GOLGB1: variants seen among roughly 807,000 people sequenced by gnomAD.
The protein encoded by GOLGB1 is golgin B1.
GOLGB1 carries 174 observed loss-of-function variants against 336.9 expected under a neutral mutation model. That is an observed-to-expected ratio of 0.52 (90% confidence interval 0.46 to 0.59). The LOEUF is 0.59. Among genes scored for constraint, GOLGB1 ranks in the 20% least tolerant of loss-of-function variants. The pLI is 0.00. For synonymous variants in GOLGB1, 1,208 were observed against 1,289.2 expected (o/e 0.94, Z 1.35); for missense variants, 3,331 against 3,645.3 (o/e 0.91, Z 2.22).
intron 11 of GOLGB1, 61 bp from the exon 12 acceptor site, chr3:121,699,946 T>A (rs929744532): frequency 3.2e-6 from 3 of 941,970 alleles, no homozygotes. Context: ...AAAAACAGGA[T>A]TGCATGTGAA....
At chr3:121,749,819 A>C (rs1947635062), upstream of GOLGB1, 1 of 152,320 alleles carries the variant, frequency 6.6e-6, no homozygotes, top group African/African-American at 2.4e-5. Flanking sequence ...TACCAGGGAG[A>C]CCAGGCACAC....
intron 5 of GOLGB1, among the ~76,000 whole-genome samples, chr3:121,725,752 G>C (rs1007652361): frequency 6.6e-6 from 1 of 152,044 alleles, no homozygotes; most frequent in Non-Finnish European, 1.5e-5. Context: ...CTCAGCAATG[G>C]ATTAACACAT....
chr3:121,734,546 A>C (rs1946355527), intron 1 of GOLGB1, among the ~76,000 whole-genome samples: 3 of 152,210 alleles, frequency 2.0e-5, no homozygotes. Flanking sequence ...AATGTGCAAG[A>C]GATGTGAATA....
Position 121,693,867 on chromosome 3 carries a change from T to C in GOLGB1, c.6656A>G (p.Lys2219Arg). Residue 2219 changes from lysine (K) to arginine (R), a missense_variant, in exon 13 of 22, where the codon AAG becomes AGG. Transcript: ENST00000614479. ...VIDEAKKWER[K>R]FSDAIQSKEE... Reference sequence around the variant, plus strand: ...TTTGCTTTGAATCGCATCACTAAACTTCCTCTCCCATTTCTTAGCTTCATC... The same window carrying C: ...TTTGCTTTGAATCGCATCACTAAACCTCCTCTCCCATTTCTTAGCTTCATC... The C allele has an allele frequency of 3.1e-6, 5 of 1,613,998 alleles. No individual in the cohort carries two copies. Among genetic ancestry groups the C allele is most frequent in the Non-Finnish European group, 4.2e-6 (5 of 1,179,834 alleles).
intron 1 of GOLGB1, among the ~76,000 whole-genome samples, chr3:121,731,451 C>G (rs1461155962): frequency 1.3e-5 from 2 of 151,802 alleles, no homozygotes; most frequent in African/African-American, 4.8e-5. Context: ...GCAACCTCTG[C>G]TTTCTGGGCT....
At position 121,696,361 on chromosome 3, in the gene GOLGB1, C is replaced by A; in HGVS notation, c.4162G>T (p.Gly1388Cys). ...KLESSQLQIA[G>C]LEHLRELQPK... ...TGCAATTCTCTTAGATGTTCTAGGC[C>A]AGCAATTTGTAGTTGGCTGCTTTCC... Residue 1388 changes from glycine to cysteine, a missense_variant, in exon 13 of 22, where the codon GGC (glycine) becomes TGC (cysteine). Physicochemically the swap from Gly to Cys is radical, Grantham distance 159. Transcript: ENST00000614479. The A allele has an allele frequency of 2.5e-6, 4 of 1,614,126 alleles. No individual in the cohort carries two copies. Among genetic ancestry groups the A allele is most frequent in the Non-Finnish European group, 3.4e-6 (4 of 1,180,012 alleles).
Position 121,664,687 on chromosome 3 carries a change from G to A in GOLGB1, c.9661-73C>T, listed in dbSNP as rs1366961327. 3.5e-6 allele frequency: 5 copies of A among 1,426,062 alleles called. No individual in the cohort carries two copies. The African/African-American group carries it at 4.2e-5, about 12-fold the overall frequency. The allele number at this position is 1,426,062 out of a possible 1,614,324, so 88.3% of individuals were successfully genotyped here. A position where few individuals can be genotyped will look rare whatever the true frequency, so the allele number is the denominator to read the frequency against. Reference sequence around the variant, plus strand: ...TGTTGCTTTCCCTCCTACTAGTCTTGCACTTAAGCAAAGCTGACCCAACCA... The same window carrying A: ...TGTTGCTTTCCCTCCTACTAGTCTTACACTTAAGCAAAGCTGACCCAACCA... On this transcript the variant is annotated intron_variant, in intron 21 of 21. Transcript: ENST00000614479.
At chr3:121,686,935 T>C (rs533763177) in intron 14 of GOLGB1, among the ~76,000 whole-genome samples, 13 of 152,172 alleles carry the variant, frequency 8.5e-5, no homozygotes, top group Non-Finnish European at 1.3e-4. Flanking sequence ...ATGAAGGGTA[T>C]GAGTAGGGAG....
In GOLGB1 at chr3:121,692,145, G is replaced by C. The variant is rs138450583; in HGVS notation, c.7219C>G (p.Leu2407Val). 4 of 1,611,470 alleles carry C rather than the reference G, an allele frequency of 2.5e-6. No homozygotes were observed. The highest frequency in any genetic ancestry group is 1.3e-5 in the African/African-American group (1 of 74,734). Residue 2407 changes from leucine (L) to valine (V), a missense_variant, in exon 14 of 22, where the codon CTG (leucine) becomes GTG (valine). Coordinates refer to ENST00000614479, the MANE Select transcript of GOLGB1 (RefSeq NM_001366282.2). The part of the protein sequence containing the change: ...EEAIQVAIAE[L>V]RQQHDKEIKE... ...ATTTCTTTATCATGTTGCTGACGCA[G>C]TTCAGCAATAGCTACTTGGATTGCC...
chr3:121,730,803 A>ATCTTAAAT (rs1221644591), intron 2 of GOLGB1, 73 bp downstream of exon 2: 2 of 1,482,304 alleles, frequency 1.3e-6, no homozygotes, highest in African/African-American at 2.9e-5. Flanking sequence ...ACACCCTTCT[A>ATCTTAAAT]TCTTAAATTA....
At chr3:121,706,546 C>A (rs1318337001) in intron 10 of GOLGB1, among the ~76,000 whole-genome samples, 2 of 151,532 alleles carry the variant, frequency 1.3e-5, no homozygotes, top group African/African-American at 4.8e-5. Flanking sequence ...ACTAGCCTGG[C>A]CAACATGGCA....
At chr3:121,722,151 C>G in intron 6 of GOLGB1, 111 bp downstream of exon 6, 1 of 682,090 alleles carries the variant, frequency 1.5e-6, no homozygotes. Context: ...AACACCCATG[C>G]TACTATACTT....
intron 14 of GOLGB1, among the ~76,000 whole-genome samples, chr3:121,689,401 T>G (rs1302289192): frequency 1.3e-5 from 2 of 151,986 alleles, no homozygotes; most frequent in Admixed American, 6.6e-5. Context: ...CAGGGTTAAA[T>G]GGATTAAGGG....
chr3:121,678,694 A>C (rs1282478289), intron 15 of GOLGB1, among the ~76,000 whole-genome samples: 3 of 152,120 alleles, frequency 2.0e-5, no homozygotes, highest in African/African-American at 7.2e-5. Context: ...CAGTCTCCCA[A>C]GCAGCTGGGA....
chr3:121,677,151 G>A (rs1201338707), intron 16 of GOLGB1, 121 bp from the exon 17 acceptor site: 16 of 1,260,168 alleles, frequency 1.3e-5, no homozygotes, highest in Non-Finnish European at 1.8e-5. Flanking sequence ...ACTTAATAGT[G>A]GCAGATGGGC....
chr3:121,748,287 T>C (rs1947508855), intron 1 of GOLGB1, among the ~76,000 whole-genome samples: 1 of 152,196 alleles, frequency 6.6e-6, no homozygotes, highest in Admixed American at 6.5e-5. Flanking sequence ...CTTTTGCATA[T>C]TTCATATTAT....
At chr3:121,744,962 G>A (rs893616071) in intron 1 of GOLGB1, among the ~76,000 whole-genome samples, 1 of 152,142 alleles carries the variant, frequency 6.6e-6, no homozygotes. Flanking sequence ...TAAAGCGTCA[G>A]TTTCCTCATC....
Position 121,681,873 on chromosome 3 carries a change from CA to C in GOLGB1, c.8695-9del. On this transcript the variant is annotated splice_polypyrimidine_tract_variant and intron_variant, in intron 14 of 21. Transcript: ENST00000614479. The stretch of plus-strand genomic sequence containing the variant: ...ATTCTTCAATTCCTTCAGCTTTAAC[CA>C]AAGGGAAAGTAAAATGATTATTTGT... The C allele has an allele frequency of 6.3e-7, 1 of 1,575,630 alleles. No individual in the cohort carries two copies.
chr3:121,665,206 A>T (rs1390467209), intron 20 of GOLGB1, among the ~76,000 whole-genome samples, 175 bp from the exon 21 acceptor site: 1 of 152,240 alleles, frequency 6.6e-6, no homozygotes, highest in Non-Finnish European at 1.5e-5. Context: ...CGTTTCCTTC[A>T]GCAGCAGCAA....
Sources: gnomAD v4.1 joint callset for allele counts (sites outside exome capture counted in the v4.1 genomes callset) on GRCh38, gnomAD v4.1.1 for gene constraint, MANE v1.5 for transcripts, NCBI Gene and HGNC (gene_info 2026-07-23, HGNC 2026-07-21) for gene names.